The following TMED10 variants were observed in gnomAD, a reference collection of about 807,000 sequenced individuals.
The protein encoded by TMED10 is transmembrane emp24 domain-containing protein 10.
TMED10 carries 7 observed loss-of-function variants against 23.1 expected under a neutral mutation model. The observed-to-expected ratio is 0.30, with a 90% confidence interval of 0.17 to 0.57. TMED10 has a LOEUF of 0.57. Ranked by LOEUF, TMED10 falls within the 20% of genes least tolerant of loss-of-function variation. The pLI, the probability that TMED10 is intolerant of heterozygous loss-of-function variation, is 0.91. For missense variants in TMED10, 162 were observed against 274.8 expected, an observed-to-expected ratio of 0.59 and a Z score of 2.90; for synonymous variants, 113 against 106.9, an observed-to-expected ratio of 1.06 and a Z score of -0.35.
intron 1 of TMED10, among the ~76,000 whole-genome samples, chr14:75,173,742 T>C (rs1896265066): frequency 6.6e-6 from 1 of 152,110 alleles, no homozygotes; most frequent in African/African-American, 2.4e-5. Context: ...TTGTTTTGTT[T>C]TGTTTTGAGA....
intron 1 of TMED10, among the ~76,000 whole-genome samples, chr14:75,160,038 C>T (rs1896068355): frequency 6.6e-6 from 1 of 152,180 alleles, no homozygotes; most frequent in African/African-American, 2.4e-5. Context: ...TGTCTACACT[C>T]CCTATAACCT....
intron 1 of TMED10, among the ~76,000 whole-genome samples, chr14:75,164,567 ATATATATATATT>A (rs1426877690): frequency 0.016 from 31 of 1,938 alleles, no homozygotes; most frequent in African/African-American, 0.04. Context: ...ATATATATAT[ATATATATATATT>A]TTTTTTTTTT....
chr14:75,176,550 C>T lies in TMED10; in HGVS notation c.30G>A (p.Arg10=). ...GCAACGCTAACGGAAAAGGGCCGCG[C>T]CGGGCTGGTGGGCCAGACAAACCAG... MSGLSGPPA[R]RGPFPLALLL... is the part of the protein sequence containing the mutation. Residue 10 remains arginine, a synonymous_variant, in exon 1 of 5, where the codon CGG becomes CGA. Transcript: ENST00000303575. 3 of 1,614,176 alleles carry T rather than the reference C, an allele frequency of 1.9e-6. No individual in the cohort carries two copies. Among genetic ancestry groups the T allele is most frequent in the Non-Finnish European group, 2.5e-6 (3 of 1,180,034 alleles).
At chr14:75,154,173 C>A (rs1261230293) in intron 1 of TMED10, among the ~76,000 whole-genome samples, 4 of 148,502 alleles carry the variant, frequency 2.7e-5, no homozygotes, top group African/African-American at 9.9e-5. Context: ...AGGTGGATCA[C>A]CTGAGGTCAG....
In TMED10 at chr14:75,132,810, A is replaced by G. The variant is rs1430727723; in HGVS notation, c.*2075T>C. 3 of 152,708 alleles carry G rather than the reference A, an allele frequency of 2.0e-5. No individual in the cohort carries two copies. The highest frequency in any genetic ancestry group is 7.2e-5 in the African/African-American group (3 of 41,592). 9.5% of individuals were successfully genotyped at this position (152,708 alleles called of 1,614,324 possible). On this transcript the variant is annotated 3_prime_UTR_variant, in exon 5 of 5. Coordinates refer to ENST00000303575, the MANE Select transcript of TMED10 (RefSeq NM_006827.6). ...ATTCTGTTTCTTTACTGTAAGATACATGTAATTCTTGCCACTGTGATTAAA... is the reference window on the plus strand; with the variant it reads ...ATTCTGTTTCTTTACTGTAAGATACGTGTAATTCTTGCCACTGTGATTAAA...
chr14:75,138,905 A>C (rs1164784936), intron 3 of TMED10, among the ~76,000 whole-genome samples: 2 of 151,418 alleles, frequency 1.3e-5, no homozygotes, highest in Non-Finnish European at 2.9e-5. Flanking sequence ...ATGGAATTAA[A>C]CCTGGTACTG....
chr14:75,165,747 C>G (rs933542772), intron 1 of TMED10, among the ~76,000 whole-genome samples: 3 of 152,206 alleles, frequency 2.0e-5, no homozygotes, highest in Non-Finnish European at 4.4e-5. Context: ...TTTGGCAACA[C>G]TAAATTCTTT....
chr14:75,174,953 T>G (rs1325568234), intron 1 of TMED10, among the ~76,000 whole-genome samples: 1 of 148,712 alleles, frequency 6.7e-6, no homozygotes. Context: ...GGCAGGAGAA[T>G]TGCTTGAAAC....
intron 1 of TMED10, among the ~76,000 whole-genome samples, chr14:75,166,144 G>A (rs550349542): frequency 6.7e-4 from 101 of 151,670 alleles, no homozygotes; most frequent in African/African-American, 2.4e-3. Flanking sequence ...AACCTCCAGC[G>A]TGACCCTTTC....
Position 75,151,964 on chromosome 14 carries a change from TG to T in TMED10, c.337+67del, listed in dbSNP as rs1177388381. 5 of 1,317,030 alleles carry T rather than the reference TG, an allele frequency of 3.8e-6. No individual in the cohort carries two copies. The African/African-American group carries it at 7.3e-5, about 19-fold the overall frequency. The allele number at this position is 1,317,030 out of a possible 1,614,324, so 81.6% of individuals were successfully genotyped here. A position where few individuals can be genotyped will look rare whatever the true frequency, so the allele number is the denominator to read the frequency against. ...ACAAATGAAACTAGATATTAAGTGC[TG>T]ACTGTATTAAGGAGCATTAGAGTTG... On this transcript the variant is annotated intron_variant, in intron 2 of 4. Coordinates refer to ENST00000303575, the MANE Select transcript of TMED10 (RefSeq NM_006827.6).
At chr14:75,174,711 A>G (rs1002435494) in intron 1 of TMED10, among the ~76,000 whole-genome samples, 1 of 152,198 alleles carries the variant, frequency 6.6e-6, no homozygotes, top group East Asian at 1.9e-4. Flanking sequence ...CTACTTTAAC[A>G]TAAGTTATGG....
Position 75,176,593 on chromosome 14 carries a change from C to T in TMED10, c.-14G>A. Reference sequence around the variant, plus strand: ...CAAACCAGACATGGTGCTGGAGACTCGTTCACCACCGAAGGCCTCAACCGC... The same window carrying T: ...CAAACCAGACATGGTGCTGGAGACTTGTTCACCACCGAAGGCCTCAACCGC... On this transcript the variant is annotated 5_prime_UTR_variant, in exon 1 of 5. Transcript: ENST00000303575. 1 of 1,613,680 alleles carries T rather than the reference C, an allele frequency of 6.2e-7. No individual in the cohort carries two copies. The highest frequency in any genetic ancestry group is 1.3e-5 in the African/African-American group (1 of 75,034).
intron 1 of TMED10, among the ~76,000 whole-genome samples, chr14:75,170,047 G>GAAATACAAA (rs200884662): frequency 6.6e-5 from 10 of 151,360 alleles, no homozygotes; most frequent in African/African-American, 1.9e-4. Flanking sequence ...CTAACACGGT[G>GAAATACAAA]AAATACAAAA....
chr14:75,151,822 C>A (rs1178788356), intron 2 of TMED10, among the ~76,000 whole-genome samples: 1 of 152,170 alleles, frequency 6.6e-6, no homozygotes, highest in Non-Finnish European at 1.5e-5. Flanking sequence ...ATTTTTACTG[C>A]CCTAAAAATT....
rs1895904618 is a variant in TMED10 at position 75,147,715 on chromosome 14, T to C, written c.360A>G (p.Gln120=). The change falls in exon 3 of 5, where the codon CAA becomes CAG. Residue 120 remains glutamine, a synonymous_variant. Coordinates refer to ENST00000303575, the MANE Select transcript of TMED10 (RefSeq NM_006827.6). ...CATGCTTCATGTCTAGGATCACGAG[T>C]TGGTCAGGTATCCGCCCTGTTCCTG... ...ESKGTGRIPD[Q]LVILDMKHGV... 1 of 1,614,136 alleles carries C rather than the reference T, an allele frequency of 6.2e-7. No individual in the cohort carries two copies. Among genetic ancestry groups the C allele is most frequent in the Non-Finnish European group, 8.5e-7 (1 of 1,180,014 alleles).
At chr14:75,144,533 T>A (rs916194197) in intron 3 of TMED10, among the ~76,000 whole-genome samples, 2 of 152,196 alleles carry the variant, frequency 1.3e-5, no homozygotes, top group Non-Finnish European at 2.9e-5. Context: ...ATGGATTAAT[T>A]AATAACAATT....
chr14:75,160,919 G>T (rs1056942962), intron 1 of TMED10, among the ~76,000 whole-genome samples: 17 of 152,040 alleles, frequency 1.1e-4, no homozygotes, highest in African/African-American at 3.9e-4. Context: ...TGGCAGGCGC[G>T]TGTAATCCCA....
At chr14:75,135,302 T>C (rs1330080997) in intron 4 of TMED10, among the ~76,000 whole-genome samples, 1 of 152,014 alleles carries the variant, frequency 6.6e-6, no homozygotes, top group Non-Finnish European at 1.5e-5. Context: ...TAGCCAGGCA[T>C]GGTGGCTTGT....
chr14:75,151,164 C>T (rs1895951658), intron 2 of TMED10, among the ~76,000 whole-genome samples: 2 of 152,000 alleles, frequency 1.3e-5, no homozygotes, highest in Admixed American at 6.6e-5. Context: ...CCTCGGCCTC[C>T]CAACTGCTGG....
Sources: gnomAD v4.1 joint callset for allele counts (sites outside exome capture counted in the v4.1 genomes callset) on GRCh38, gnomAD v4.1.1 for gene constraint, MANE v1.5 for transcripts, NCBI Gene and HGNC (gene_info 2026-07-23, HGNC 2026-07-21) for gene names.